Variants in SUMF1 observed in about 807,000 individuals in gnomAD.
The protein encoded by SUMF1 is sulfatase modifying factor 1.
Under a neutral mutation model 47.6 loss-of-function variants are expected in SUMF1, and 48 were observed. That is an observed-to-expected ratio of 1.01 (90% CI 0.80 to 1.28). The LOEUF is 1.28. SUMF1 is among the 50% of genes most tolerant of loss of function. The pLI is 0.00. For missense variants in SUMF1, 571 were observed against 485.4 expected (o/e 1.18, Z -1.66); for synonymous variants, 230 against 192.1 (o/e 1.20, Z -1.63).
intron 8 of SUMF1, among the ~76,000 whole-genome samples, chr3:4,090,441 G>A (rs1036734205): frequency 6.6e-6 from 1 of 152,058 alleles, no homozygotes; most frequent in Admixed American, 6.5e-5. Flanking sequence ...CCTCTCCAAG[G>A]TCAGTTCCCA....
In SUMF1 at chr3:4,304,997, A is replaced by G. The variant is rs149517544; in HGVS notation, c.1014+71333T>C. Among the ~76,000 whole-genome samples, 92 of 152,252 alleles carry G rather than the reference A, an allele frequency of 6.0e-4. No individual in the cohort carries two copies. In the East Asian group the frequency reaches 0.015, roughly 24 times the overall value. On this transcript the variant is annotated intron_variant and NMD_transcript_variant, in intron 8 of 12. Transcript: ENST00000448413. ...TGGGGGGGGCTTCCAGACTATAGGT[A>G]GATTTTAATTTTTCTGGTTAACAAT...
At chr3:4,421,163 G>A (rs1385588976) in intron 3 of SUMF1, among the ~76,000 whole-genome samples, 1 of 152,146 alleles carries the variant, frequency 6.6e-6, no homozygotes, top group Admixed American at 6.5e-5. Context: ...CACAGGCTTT[G>A]GAGCCAGTCA....
chr3:4,361,820 G>A lies in SUMF1; in HGVS notation c.*324C>T, dbSNP rs938419975. On this transcript the variant is annotated 3_prime_UTR_variant, in exon 9 of 9. Transcript: ENST00000272902. ...CCAGGAAGGTCAAGCGTCGGACCTG[G>A]GGTCTAACCCCTGTGGCAGAGCCTG... 2.8e-6 allele frequency: 1 copy of A among 357,174 alleles called. No homozygotes were observed. Among genetic ancestry groups the A allele is most frequent in the Non-Finnish European group, 5.3e-6 (1 of 187,738 alleles). 22.1% of individuals were successfully genotyped at this position (357,174 alleles called of 1,614,324 possible).
At chr3:4,456,716 A>ATGTGTG (rs200728776) in intron 1 of SUMF1, among the ~76,000 whole-genome samples, 5 of 133,234 alleles carry the variant, frequency 3.8e-5, no homozygotes, top group East Asian at 4.2e-4. Context: ...GTATATATAT[A>ATGTGTG]CATATATATA....
At chr3:4,211,003 T>C (rs756178186) in intron 8 of SUMF1, among the ~76,000 whole-genome samples, 25 of 150,690 alleles carry the variant, frequency 1.7e-4, no homozygotes, top group South Asian at 4.2e-4. Context: ...TCCAAGTTCT[T>C]CAGCTTTGGG....
At chr3:4,075,143 C>T (rs1448024730) in intron 8 of SUMF1, among the ~76,000 whole-genome samples, 2 of 152,040 alleles carry the variant, frequency 1.3e-5, no homozygotes, top group Admixed American at 6.6e-5. Context: ...AAAGCTTATC[C>T]ACCACCAAGT....
intron 8 of SUMF1, among the ~76,000 whole-genome samples, chr3:4,195,044 A>T (rs1695399098): frequency 6.6e-6 from 1 of 152,148 alleles, no homozygotes; most frequent in African/African-American, 2.4e-5. Flanking sequence ...TGGAGGCTTA[A>T]ATTCAAGAAA....
intron 8 of SUMF1, among the ~76,000 whole-genome samples, chr3:4,073,974 C>T (rs1022220329): frequency 6.6e-6 from 1 of 152,154 alleles, no homozygotes; most frequent in South Asian, 2.1e-4. Flanking sequence ...GAAATCAGCT[C>T]TGGACCATGC....
chr3:4,234,419 T>C (rs1336288421), intron 8 of SUMF1, among the ~76,000 whole-genome samples: 1 of 152,136 alleles, frequency 6.6e-6, no homozygotes, highest in Non-Finnish European at 1.5e-5. Context: ...TTTCTGCTTT[T>C]GTTTTATCCT....
chr3:4,215,978 T>C (rs1294046248), intron 8 of SUMF1, among the ~76,000 whole-genome samples: 2 of 152,278 alleles, frequency 1.3e-5, no homozygotes, highest in African/African-American at 2.4e-5. Flanking sequence ...AAGTAATTTA[T>C]AGATTCAATG....
At chr3:4,364,971 T>C (rs1699900623) in intron 8 of SUMF1, among the ~76,000 whole-genome samples, 1 of 152,158 alleles carries the variant, frequency 6.6e-6, no homozygotes, top group Admixed American at 6.6e-5. Flanking sequence ...TCTGCCTTCA[T>C]TTCATTATGT....
chr3:4,254,965 T>G (rs1696910718), intron 8 of SUMF1, among the ~76,000 whole-genome samples: 1 of 152,188 alleles, frequency 6.6e-6, no homozygotes, highest in African/African-American at 2.4e-5. Flanking sequence ...GTATTCAACA[T>G]TCTTAAAGAA....
intron 8 of SUMF1, among the ~76,000 whole-genome samples, chr3:4,180,161 A>G (rs979026165): frequency 2.6e-5 from 4 of 152,226 alleles, no homozygotes; most frequent in African/African-American, 9.6e-5. Flanking sequence ...CTAGAACTAG[A>G]ATTACCATTT....
chr3:4,253,533 T>C (rs313670), intron 8 of SUMF1, among the ~76,000 whole-genome samples: 103,972 of 150,460 alleles, frequency 0.69, 37,202 homozygotes, highest in African/African-American at 0.89. Context: ...CACTCCCACC[T>C]GAATATTGCG....
At chr3:4,268,900 A>G (rs114348453) in intron 8 of SUMF1, among the ~76,000 whole-genome samples, 6,962 of 152,160 alleles carry the variant, frequency 0.046, 297 homozygotes, top group African/African-American at 0.1. Context: ...GCGTGTGTGT[A>G]TATATACATA....
chr3:4,041,424 C>A (rs1351944), intron 9 of SUMF1, among the ~76,000 whole-genome samples: 1 of 152,138 alleles, frequency 6.6e-6, no homozygotes, highest in African/African-American at 2.4e-5. Context: ...TTCCCTTTCA[C>A]GTTCACCTGA....
chr3:4,451,570 C>G (rs1702969360), intron 2 of SUMF1, among the ~76,000 whole-genome samples: 1 of 152,138 alleles, frequency 6.6e-6, no homozygotes, highest in South Asian at 2.1e-4. Context: ...CATGGAGAAC[C>G]CTGGTTCTGT....
downstream of SUMF1, among the ~76,000 whole-genome samples, chr3:4,360,635 C>A (rs1226109440): frequency 6.6e-6 from 1 of 152,166 alleles, no homozygotes; most frequent in East Asian, 1.9e-4. Context: ...GCCTGGCCTA[C>A]ATGACTGCTT....
At chr3:4,213,178 C>G (rs1274691791) in intron 8 of SUMF1, among the ~76,000 whole-genome samples, 2 of 152,138 alleles carry the variant, frequency 1.3e-5, no homozygotes, top group Non-Finnish European at 2.9e-5. Context: ...TCGGGTTACA[C>G]ACAAAGGAGA....
Sources: gnomAD v4.1 joint callset for allele counts (sites outside exome capture counted in the v4.1 genomes callset) on GRCh38, gnomAD v4.1.1 for gene constraint, MANE v1.5 for transcripts, NCBI Gene and HGNC (gene_info 2026-07-23, HGNC 2026-07-21) for gene names.